Variants in CLEC2B observed in about 807,000 individuals in gnomAD.
CLEC2B encodes C-type (calcium dependent, carbohydrate-recognition domain) lectin, superfamily member 2 (activation-induced).
In CLEC2B, 14 loss-of-function variants were observed where a neutral mutation model predicts 16.2. The ratio of observed to expected loss-of-function variants is 0.86; its 90% confidence interval spans 0.57 to 1.35. CLEC2B has a LOEUF of 1.35. Ranked by LOEUF, CLEC2B falls within the 40% of genes most tolerant of loss-of-function variation. The pLI is 0.00. For missense variants in CLEC2B, 166 were observed against 182.3 expected, an observed-to-expected ratio of 0.91 and a Z score of 0.52; for synonymous variants, 42 against 55.8, an observed-to-expected ratio of 0.75 and a Z score of 1.10.
rs253153 is a variant in CLEC2B at position 9,859,575 on chromosome 12, A to T, written c.74-1938T>A. On this transcript the variant is annotated intron_variant, in intron 2 of 4. Coordinates refer to ENST00000228438, the MANE Select transcript of CLEC2B (RefSeq NM_005127.3). ...CTTTAACTTAAAAAATTGCACAAAA[A>T]GAAATCTCCCTGTCCAGATGGCTTC... is the stretch of plus-strand genomic sequence containing the variant. Among the ~76,000 whole-genome samples the T allele has an allele frequency of 2.6e-3, 390 of 152,004 alleles. 1 individual carries two copies. Among genetic ancestry groups the T allele is most frequent in the African/African-American group, 8.8e-3 (367 of 41,564 alleles).
At position 9,853,264 on chromosome 12, in the gene CLEC2B, T is replaced by C; in HGVS notation, c.*36A>G. 6.8e-7 allele frequency: 1 copy of C among 1,468,226 alleles called. No homozygotes were observed. Among genetic ancestry groups the C allele is most frequent in the Non-Finnish European group, 9.5e-7 (1 of 1,049,804 alleles). 90.9% of individuals were successfully genotyped at this position (1,468,226 alleles called of 1,614,324 possible). On this transcript the variant is annotated 3_prime_UTR_variant, in exon 5 of 5. Transcript: ENST00000228438. ...TTTGCTGGTTTTACACTTAATAATGTTATTTTCTATTTTCCCCATTATCTT... is the reference window on the plus strand; with the variant it reads ...TTTGCTGGTTTTACACTTAATAATGCTATTTTCTATTTTCCCCATTATCTT...
At chr12:9,856,230 T>C (rs1867893652) in intron 3 of CLEC2B, among the ~76,000 whole-genome samples, 1 of 152,106 alleles carries the variant, frequency 6.6e-6, no homozygotes, top group Admixed American at 6.6e-5. Context: ...TTTACATTTC[T>C]TCATCTTTCA....
chr12:9,855,503 G>A (rs77091489), intron 3 of CLEC2B, among the ~76,000 whole-genome samples: 51 of 152,110 alleles, frequency 3.4e-4, no homozygotes, highest in African/African-American at 1.2e-3. Context: ...TCAATACAAT[G>A]TGAAATTGGA....
intron 2 of CLEC2B, among the ~76,000 whole-genome samples, chr12:9,858,239 T>G (rs1867908863): frequency 6.6e-6 from 1 of 152,036 alleles, no homozygotes; most frequent in East Asian, 1.9e-4. Context: ...GTTGCAGTCT[T>G]GGCAGCTAGA....
intron 4 of CLEC2B, 84 bp downstream of exon 4, chr12:9,854,297 T>C: frequency 1.2e-6 from 1 of 825,844 alleles, no homozygotes; most frequent in Non-Finnish European, 1.9e-6. Context: ...ACTCTTGGGC[T>C]CTAGAGAAAT....
In CLEC2B at chr12:9,854,380, C is replaced by T. The variant is rs748644430; in HGVS notation, c.341+1G>A. 20 of 1,601,022 alleles carry T rather than the reference C, an allele frequency of 1.2e-5. No homozygotes were observed. Among genetic ancestry groups the T allele is most frequent in the South Asian group, 4.4e-5 (4 of 90,474 alleles). ...GTGATCCCAGAAAAAAATAAACTCA[C>T]GATTTGGTAAATGTAGCTCCATCTA... On this transcript the variant is annotated splice_donor_variant, in intron 4 of 4. Transcript: ENST00000228438. LOFTEE classifies it high-confidence loss of function.
At chr12:9,865,645 T>C (rs1867965392) in intron 1 of CLEC2B, among the ~76,000 whole-genome samples, 1 of 152,190 alleles carries the variant, frequency 6.6e-6, no homozygotes, top group Non-Finnish European at 1.5e-5. Flanking sequence ...GGAGTTATAC[T>C]GCACACTTTA....
At chr12:9,864,187 C>CTT (rs1160977467) in intron 1 of CLEC2B, among the ~76,000 whole-genome samples, 4 of 146,318 alleles carry the variant, frequency 2.7e-5, no homozygotes, top group African/African-American at 1.0e-4. Context: ...ACCCTGCCAT[C>CTT]TAAGAATACC....
intron 1 of CLEC2B, among the ~76,000 whole-genome samples, chr12:9,868,679 T>C (rs949700676): frequency 1.8e-4 from 28 of 152,072 alleles, no homozygotes; most frequent in African/African-American, 5.8e-4. Context: ...TTTTAGAACA[T>C]TTTCTTTCCT....
chr12:9,864,277 C>T (rs766319967), intron 1 of CLEC2B, among the ~76,000 whole-genome samples: 31 of 151,632 alleles, frequency 2.0e-4, no homozygotes, highest in Non-Finnish European at 3.2e-4. Context: ...AATTCACCAC[C>T]ACCAGACATA....
At chr12:9,855,503 G>T (rs77091489) in intron 3 of CLEC2B, among the ~76,000 whole-genome samples, 1 of 151,992 alleles carries the variant, frequency 6.6e-6, no homozygotes, top group Non-Finnish European at 1.5e-5. Context: ...TCAATACAAT[G>T]TGAAATTGGA....
chr12:9,867,445 T>A (rs1453194108), intron 1 of CLEC2B, among the ~76,000 whole-genome samples: 1 of 152,182 alleles, frequency 6.6e-6, no homozygotes, highest in Non-Finnish European at 1.5e-5. Flanking sequence ...TCTAGCTTTT[T>A]ACACTCAGCA....
At chr12:9,854,546 A>G (rs1414267081) in intron 3 of CLEC2B, 62 bp from the exon 4 acceptor site, 1 of 1,088,590 alleles carries the variant, frequency 9.2e-7, no homozygotes, top group South Asian at 1.3e-5. Flanking sequence ...CCTACTGTGT[A>G]CCTCTTGTTT....
intron 1 of CLEC2B, among the ~76,000 whole-genome samples, chr12:9,863,290 A>C (rs1867947268): frequency 1.3e-5 from 2 of 150,888 alleles, no homozygotes; most frequent in South Asian, 2.1e-4. Context: ...GCCGCCCCCC[A>C]CCCCCAAAAA....
chr12:9,865,595 A>T (rs1263771574), intron 1 of CLEC2B, among the ~76,000 whole-genome samples: 1 of 152,168 alleles, frequency 6.6e-6, no homozygotes, highest in Non-Finnish European at 1.5e-5. Flanking sequence ...ACCCTGAGTA[A>T]TGGACAGATA....
intron 2 of CLEC2B, among the ~76,000 whole-genome samples, chr12:9,859,283 A>G (rs1565515381): frequency 3.3e-5 from 5 of 152,134 alleles, no homozygotes; most frequent in Admixed American, 3.3e-4. Context: ...TAGAAAACAA[A>G]AAGAACAGAA....
rs1867861395 is a variant in CLEC2B, at chr12:9,853,087, G to GAAAGAAAGAAAGAA, written c.*212_*213insTTCTTTCTTTCTTT. 2 of 345,412 alleles carry GAAAGAAAGAAAGAA rather than the reference G, an allele frequency of 5.8e-6. No homozygotes were observed. Among genetic ancestry groups the GAAAGAAAGAAAGAA allele is most frequent in the Non-Finnish European group, 5.1e-6 (1 of 197,212 alleles). 21.4% of individuals were successfully genotyped at this position (345,412 alleles called of 1,614,324 possible). A position where few individuals can be genotyped will look rare whatever the true frequency, so the allele number is the denominator to read the frequency against. On this transcript the variant is annotated 3_prime_UTR_variant, in exon 5 of 5. Transcript: ENST00000228438. ...AAAGAAAGAAAGAAAGAAAGAAAGAGAGAGAGAGAAAGAAAGAAAGAAAAA... is the reference window on the plus strand; with the variant it reads ...AAAGAAAGAAAGAAAGAAAGAAAGAGAAAGAAAGAAAGAAAGAGAGAGAAAGAAAGAAAGAAAAA...
intron 2 of CLEC2B, among the ~76,000 whole-genome samples, chr12:9,858,145 T>C (rs1164800838): frequency 1.3e-5 from 2 of 152,002 alleles, no homozygotes; most frequent in Non-Finnish European, 2.9e-5. Context: ...AACATGAGAT[T>C]TGGAAGGTGG....
rs140791838 is a variant in CLEC2B, at chr12:9,857,924, C to T, written c.74-287G>A. Among the ~76,000 whole-genome samples the T allele has an allele frequency of 4.3e-4, 66 of 152,174 alleles. 1 individual carries two copies. Among genetic ancestry groups the T allele is most frequent in the African/African-American group, 1.5e-3 (61 of 41,534 alleles). On this transcript the variant is annotated intron_variant, in intron 2 of 4. Coordinates refer to ENST00000228438, the MANE Select transcript of CLEC2B (RefSeq NM_005127.3). ...CTTGTGTAGGTTACCGTTACCATTT[C>T]TAGGTAAATGAATTAAAAGGAAATC... is the stretch of plus-strand genomic sequence containing the variant.
Sources: gnomAD v4.1 joint callset for allele counts (sites outside exome capture counted in the v4.1 genomes callset) on GRCh38, gnomAD v4.1.1 for gene constraint, MANE v1.5 for transcripts, NCBI Gene and HGNC (gene_info 2026-07-23, HGNC 2026-07-21) for gene names.